STK32B: variants seen among roughly 807,000 people sequenced by gnomAD.
STK32B encodes serine/threonine-protein kinase 32B.
Under a neutral mutation model 52.6 loss-of-function variants are expected in STK32B, and 43 were observed. That is an observed-to-expected ratio of 0.82 (90% CI 0.64 to 1.05). The LOEUF (loss-of-function observed/expected upper bound fraction) is 1.05. Ranked by LOEUF, STK32B falls within the 50% of genes least tolerant of loss-of-function variation. The pLI is 0.00. For synonymous variants in STK32B, 238 were observed against 204.3 expected (o/e 1.17, Z -1.41); for missense variants, 621 against 534.6 (o/e 1.16, Z -1.59).
Position 5,378,177 on chromosome 4 carries a change from T to A in STK32B, c.435-20030T>A, listed in dbSNP as rs1307980896. On this transcript the variant is annotated intron_variant, in intron 4 of 11. Coordinates refer to ENST00000282908, the MANE Select transcript of STK32B (RefSeq NM_018401.3). This position sits in a 1 kb window ranked among gnomAD's most constrained non-coding sequence, Gnocchi z 4.4. The stretch of plus-strand genomic sequence containing the variant: ...CCGTCTGTCTGAGTGTTCATTCATG[T>A]CCAGTCCAGTAGCGCCCACTGGTGA... Among the ~76,000 whole-genome samples, 3 of 152,316 alleles carry A rather than the reference T, an allele frequency of 2.0e-5. No homozygotes were observed. Among genetic ancestry groups the A allele is most frequent in the Admixed American group, 2.0e-4 (3 of 15,302 alleles).
intron 5 of STK32B, among the ~76,000 whole-genome samples, chr4:5,408,068 C>A (rs1228098630): frequency 1.3e-5 from 2 of 152,146 alleles, no homozygotes; most frequent in Admixed American, 6.5e-5. Context: ...TCTTGGACTT[C>A]CCAGCCTCCA....
rs565013329 is a variant in STK32B at position 5,247,676 on chromosome 4, C to T, written c.260+79226C>T. ...TCTTCTGCGTCGCTCATGCTGGGAG[C>T]TGTAGACTGGAGCTGTTCCTATTTG... On this transcript the variant is annotated intron_variant, in intron 3 of 11. Transcript: ENST00000282908. Among the ~76,000 whole-genome samples, 14 of 152,308 alleles carry T rather than the reference C, an allele frequency of 9.2e-5. No individual in the cohort carries two copies. The South Asian group carries it at 2.5e-3, about 27-fold the overall frequency.
chr4:5,374,337 A>G (rs549066339), intron 4 of STK32B, among the ~76,000 whole-genome samples: 92 of 152,380 alleles, frequency 6.0e-4, no homozygotes, highest in Middle Eastern at 3.4e-3. Flanking sequence ...ATAACATTCT[A>G]TAATAGACAA....
chr4:5,250,509 C>T (rs779543905), intron 3 of STK32B, among the ~76,000 whole-genome samples: 19 of 152,042 alleles, frequency 1.2e-4, no homozygotes, highest in Non-Finnish European at 1.9e-4. Flanking sequence ...GAGGAGGTTT[C>T]GCCATATTGG....
At chr4:5,392,931 C>T (rs1248466490) in intron 4 of STK32B, among the ~76,000 whole-genome samples, 1 of 152,190 alleles carries the variant, frequency 6.6e-6, no homozygotes, top group East Asian at 1.9e-4. Context: ...ACTTGGTCCC[C>T]ATGTCCACAG....
chr4:5,029,466 G>A, the STK32B span, among the ~76,000 whole-genome samples: 21 of 152,262 alleles, frequency 1.4e-4, no homozygotes, highest in African/African-American at 4.1e-4. Flanking sequence ...ACAAGAGAAC[G>A]GATGCTGGTG....
chr4:5,349,035 G>C (rs189220989), intron 4 of STK32B, among the ~76,000 whole-genome samples: 1 of 152,006 alleles, frequency 6.6e-6, no homozygotes, highest in Admixed American at 6.5e-5. Context: ...GGACTGCTTG[G>C]GTTCCAAAGG....
chr4:5,029,862 G>T, the STK32B span, among the ~76,000 whole-genome samples: 3 of 152,180 alleles, frequency 2.0e-5, no homozygotes, highest in African/African-American at 7.2e-5. Context: ...TAATCTCCAC[G>T]TGTCAAGGAA....
At chr4:5,096,656 G>T (rs755951476) in intron 1 of STK32B, among the ~76,000 whole-genome samples, 4 of 152,108 alleles carry the variant, frequency 2.6e-5, no homozygotes, top group South Asian at 4.2e-4. Context: ...TAAGACCTTG[G>T]CATCTACGGC....
At chr4:5,290,094 C>G (rs894566581) in intron 3 of STK32B, among the ~76,000 whole-genome samples, 5 of 152,044 alleles carry the variant, frequency 3.3e-5, no homozygotes, top group African/African-American at 1.2e-4. Flanking sequence ...CTCCCACTTA[C>G]AAGTGAGAAC....
intron 1 of STK32B, among the ~76,000 whole-genome samples, chr4:5,080,986 C>G (rs964142311): frequency 6.6e-6 from 1 of 152,162 alleles, no homozygotes; most frequent in East Asian, 1.9e-4. Flanking sequence ...GACTACAATC[C>G]TACTGTCTGT....
chr4:5,350,212 G>A (rs1046643019), intron 4 of STK32B, among the ~76,000 whole-genome samples: 2 of 152,086 alleles, frequency 1.3e-5, no homozygotes, highest in South Asian at 4.1e-4. Context: ...AACAGCAAGA[G>A]AACAGCATCT....
At chr4:5,172,336 C>T (rs937439303) in intron 3 of STK32B, among the ~76,000 whole-genome samples, 4 of 152,116 alleles carry the variant, frequency 2.6e-5, no homozygotes, top group African/African-American at 4.8e-5. Flanking sequence ...CCAGAACCTC[C>T]AACACTATGT....
chr4:5,101,311 G>C, intron 1 of STK32B, among the ~76,000 whole-genome samples: 1 of 152,124 alleles, frequency 6.6e-6, no homozygotes, highest in Non-Finnish European at 1.5e-5. Context: ...GCATGCCTTC[G>C]GGGACATTGA....
intron 3 of STK32B, among the ~76,000 whole-genome samples, chr4:5,267,241 A>G (rs543886479): frequency 1.3e-5 from 2 of 152,216 alleles, no homozygotes; most frequent in African/African-American, 4.8e-5. Flanking sequence ...TCCAGTGTCC[A>G]TTATAGCTGA....
intron 6 of STK32B, among the ~76,000 whole-genome samples, chr4:5,419,927 G>A (rs1712481197): frequency 6.6e-6 from 1 of 152,062 alleles, no homozygotes; most frequent in Non-Finnish European, 1.5e-5. Flanking sequence ...TAAATAATAG[G>A]CAACTTGTTT....
intron 6 of STK32B, among the ~76,000 whole-genome samples, chr4:5,433,055 C>T (rs755734496): frequency 1.3e-5 from 2 of 152,100 alleles, no homozygotes; most frequent in African/African-American, 2.4e-5. Context: ...CTACTACTTA[C>T]AAGTCTCTCA....
intron 5 of STK32B, among the ~76,000 whole-genome samples, chr4:5,412,564 G>C (rs996576499): frequency 6.6e-6 from 1 of 152,188 alleles, no homozygotes; most frequent in African/African-American, 2.4e-5. Context: ...TGTAGGAGGA[G>C]AGTGGGACGG....
At chr4:5,121,831 G>GTTCA (rs1426219856) in intron 1 of STK32B, among the ~76,000 whole-genome samples, 3 of 152,148 alleles carry the variant, frequency 2.0e-5, no homozygotes, top group African/African-American at 7.2e-5. Context: ...GGACAGGCCA[G>GTTCA]GGACAATCAT....
Sources: allele counts gnomAD v4.1 joint callset (sites outside exome capture counted in the v4.1 genomes callset), GRCh38; gene constraint gnomAD v4.1.1; non-coding constraint Gnocchi (gnomAD v3.1); transcripts MANE v1.5; gene names NCBI Gene and HGNC (gene_info 2026-07-23, HGNC 2026-07-21).